The following CCAR1 variants were observed in gnomAD, a reference collection of about 807,000 sequenced individuals.
The protein encoded by CCAR1 is cell division cycle and apoptosis regulator protein 1.
CCAR1 carries 78 observed loss-of-function variants against 163.8 expected under a neutral mutation model. That is an observed-to-expected ratio of 0.48 (90% CI 0.40 to 0.57). CCAR1 has a LOEUF of 0.57. Among genes scored for constraint, CCAR1 ranks in the 20% least tolerant of loss-of-function variants. CCAR1 has a pLI of 0.00. For missense variants in CCAR1, 1,019 were observed against 1,365.2 expected, an observed-to-expected ratio of 0.75 and a Z score of 4.00; for synonymous variants, 443 against 460.7, an observed-to-expected ratio of 0.96 and a Z score of 0.49.
At chr10:68,737,567 T>C (rs1021622669) in intron 3 of CCAR1, among the ~76,000 whole-genome samples, 2 of 151,854 alleles carry the variant, frequency 1.3e-5, no homozygotes, top group Non-Finnish European at 2.9e-5. Flanking sequence ...GCAGTTCTTA[T>C]ACCTTAATTA....
chr10:68,734,177 C>T (rs980417705), intron 2 of CCAR1, among the ~76,000 whole-genome samples: 88 of 151,940 alleles, frequency 5.8e-4, no homozygotes, highest in African/African-American at 2.0e-3. Flanking sequence ...TGCCTTTGGT[C>T]GGTTCATTAA....
At chr10:68,755,199 C>A in intron 12 of CCAR1, 171 bp from the exon 13 acceptor site, 1 of 766,480 alleles carries the variant, frequency 1.3e-6, no homozygotes, top group Non-Finnish European at 2.4e-6. Flanking sequence ...AATCCTATTC[C>A]ATTGCTGAAA....
chr10:68,774,720 A>G lies in CCAR1; in HGVS notation c.2650+1621A>G, dbSNP rs573995743. Among the ~76,000 whole-genome samples, 24 of 152,258 alleles carry G rather than the reference A, an allele frequency of 1.6e-4. No homozygotes were observed. In the South Asian group the frequency reaches 4.1e-3, roughly 26 times the overall value. ...ATATAGAGTTTAAAGGCTAATAGTAATAAACACCCATATACCTTTCGCCTA... is the reference window on the plus strand; with the variant it reads ...ATATAGAGTTTAAAGGCTAATAGTAGTAAACACCCATATACCTTTCGCCTA... On this transcript the variant is annotated intron_variant, in intron 19 of 24. Transcript: ENST00000265872.
intron 6 of CCAR1, among the ~76,000 whole-genome samples, chr10:68,743,637 G>A (rs923781180): frequency 4.0e-5 from 6 of 151,370 alleles, no homozygotes; most frequent in Non-Finnish European, 8.8e-5. Context: ...CCACCTCCCG[G>A]GTTTAAGTGA....
intron 19 of CCAR1, chr10:68,774,941 T>G (rs1271619947): frequency 1.0e-5 from 4 of 388,624 alleles, no homozygotes; most frequent in Non-Finnish European, 1.9e-5. Context: ...TTTTTGTTTT[T>G]TTTTTTACAG....
chr10:68,738,389 CTG>C (rs765208480), intron 4 of CCAR1, among the ~76,000 whole-genome samples: 8 of 152,214 alleles, frequency 5.3e-5, no homozygotes, highest in Non-Finnish European at 1.0e-4. Context: ...GATCACACCA[CTG>C]TACTCCAGCC....
At chr10:68,777,906 T>G (rs2056687824) in intron 19 of CCAR1, among the ~76,000 whole-genome samples, 1 of 152,200 alleles carries the variant, frequency 6.6e-6, no homozygotes, top group African/African-American at 2.4e-5. Context: ...CACTCCAGCC[T>G]CGACAATAAA....
chr10:68,775,666 C>T (rs1415581385), intron 19 of CCAR1, among the ~76,000 whole-genome samples: 5 of 147,198 alleles, frequency 3.4e-5, no homozygotes, highest in African/African-American at 1.0e-4. Flanking sequence ...TTTGCCACCA[C>T]GCCCAGCTAA....
chr10:68,723,156 C>G (rs1350395518), intron 2 of CCAR1, among the ~76,000 whole-genome samples: 1 of 149,666 alleles, frequency 6.7e-6, no homozygotes, highest in Non-Finnish European at 1.5e-5. Flanking sequence ...GAGTCTTGCT[C>G]TGTCGCCCAG....
chr10:68,730,235 A>C (rs1293199064), intron 2 of CCAR1, among the ~76,000 whole-genome samples: 1 of 148,608 alleles, frequency 6.7e-6, no homozygotes, highest in African/African-American at 2.5e-5. Flanking sequence ...TTTGTGTTTT[A>C]ATGATAGCTT....
At chr10:68,758,313 C>G (rs1335354144) in intron 15 of CCAR1, among the ~76,000 whole-genome samples, 1 of 151,974 alleles carries the variant, frequency 6.6e-6, no homozygotes, top group East Asian at 1.9e-4. Flanking sequence ...CCCCCGCCTC[C>G]CAGAGTGTTA....
At chr10:68,779,772 A>G (rs60312412) in intron 19 of CCAR1, among the ~76,000 whole-genome samples, 2,153 of 152,292 alleles carry the variant, frequency 0.014, 58 homozygotes, top group African/African-American at 0.048. Context: ...AAACAAAACT[A>G]TGGAATCAAT....
intron 16 of CCAR1, among the ~76,000 whole-genome samples, chr10:68,764,619 T>G (rs1301018567): frequency 6.6e-6 from 1 of 152,094 alleles, no homozygotes; most frequent in Non-Finnish European, 1.5e-5. Context: ...ATCCAGTCTC[T>G]TTTTGGATTG....
intron 2 of CCAR1, among the ~76,000 whole-genome samples, chr10:68,724,836 G>GA (rs1222656006): frequency 2.6e-5 from 4 of 152,088 alleles, no homozygotes; most frequent in African/African-American, 9.6e-5. Context: ...CTAGACAAAG[G>GA]AAAAAGATAG....
intron 16 of CCAR1, among the ~76,000 whole-genome samples, chr10:68,762,406 G>C (rs1393059580): frequency 6.6e-6 from 1 of 151,880 alleles, no homozygotes; most frequent in Non-Finnish European, 1.5e-5. Context: ...TTCTAGTGAA[G>C]TGCTTATTCC....
At chr10:68,742,636 C>A in intron 6 of CCAR1, 67 bp downstream of exon 6, 1 of 1,270,312 alleles carries the variant, frequency 7.9e-7, no homozygotes, top group Non-Finnish European at 1.1e-6. Context: ...TTAGTTGTGG[C>A]AGAAATTGTA....
Position 68,757,302 on chromosome 10 carries a change from A to C in CCAR1, c.1845A>C (p.Glu615Asp), listed in dbSNP as rs1465428202. The C allele has an allele frequency of 1.9e-6, 3 of 1,538,504 alleles. No individual in the cohort carries two copies. Among genetic ancestry groups the C allele is most frequent in the Non-Finnish European group, 9.0e-7 (1 of 1,112,982 alleles). The part of the protein sequence containing the change: ...RKEADGEQDE[E>D]EKDDGEAKEI... ...TTAACTTTGTATGTCAGGATGAAGAAGAGAAGGATGATGGTGAAGCTAAAG... is the reference window on the plus strand; with the variant it reads ...TTAACTTTGTATGTCAGGATGAAGACGAGAAGGATGATGGTGAAGCTAAAG... The change falls in exon 15 of 25, where the codon GAA becomes GAC. Residue 615 changes from glutamate to aspartate, a missense_variant. Glu to Asp is a conservative substitution (Grantham distance 45, BLOSUM62 2). Coordinates refer to ENST00000265872, the MANE Select transcript of CCAR1 (RefSeq NM_018237.4).
chr10:68,779,227 G>A (rs1465181921), intron 19 of CCAR1, among the ~76,000 whole-genome samples: 2 of 150,664 alleles, frequency 1.3e-5, no homozygotes, highest in South Asian at 2.1e-4. Flanking sequence ...GTTGAATTTT[G>A]TTAGTAATTA....
chr10:68,747,559 G>A lies in CCAR1; in HGVS notation c.819G>A (p.Gln273=). 1 of 1,608,514 alleles carries A rather than the reference G, an allele frequency of 6.2e-7. No individual in the cohort carries two copies. The highest frequency in any genetic ancestry group is 1.7e-5 in the Admixed American group (1 of 58,896). The part of the protein sequence containing the change: ...TQPQPLLQQP[Q]QKAGLLQPPV... ...CACAGCCCTTATTACAGCAGCCTCA[G>A]CAAAAAGGTATCTTTGCTTTTGTTT... Residue 273 remains glutamine, a synonymous_variant, in exon 8 of 25, where the codon CAG becomes CAA. Coordinates refer to ENST00000265872, the MANE Select transcript of CCAR1 (RefSeq NM_018237.4).
Sources: gnomAD v4.1 joint callset for allele counts (sites outside exome capture counted in the v4.1 genomes callset) on GRCh38, gnomAD v4.1.1 for gene constraint, MANE v1.5 for transcripts, NCBI Gene and HGNC (gene_info 2026-07-23, HGNC 2026-07-21) for gene names.